The following NLGN1 variants were observed in gnomAD, a reference collection of about 807,000 sequenced individuals.
NLGN1 encodes the protein neuroligin-1.
A neutral mutation model predicts 65.5 loss-of-function variants in NLGN1; 12 were observed. The observed-to-expected ratio is 0.18, with a 90% CI of 0.12 to 0.30. The LOEUF (loss-of-function observed/expected upper bound fraction) is 0.30, where lower values mean the gene tolerates loss of function less well. NLGN1 is among the 10% of genes least tolerant of loss of function. The pLI is 1.00. For synonymous variants in NLGN1, 350 were observed against 359.5 expected (o/e 0.97, Z 0.30); for missense variants, 750 against 1,007.1 (o/e 0.74, Z 3.46).
chr3:174,292,038 G>A, the NLGN1 span, among the ~76,000 whole-genome samples: 1 of 151,244 alleles, frequency 6.6e-6, no homozygotes, highest in Non-Finnish European at 1.5e-5. Context: ...AGCAAAGAGG[G>A]ATATTGTGAT....
At position 174,169,168 on chromosome 3, in the gene NLGN1, C is replaced by T. The variant is rs963923165; in HGVS notation, c.647-106147C>T. 7.2e-5 allele frequency among the ~76,000 whole-genome samples: 11 copies of T among 151,756 alleles called. No homozygotes were observed. In the South Asian group the frequency reaches 1.0e-3, roughly 14 times the overall value. On this transcript the variant is annotated intron_variant, in intron 4 of 6. Transcript: ENST00000457714. Reference sequence around the variant, plus strand: ...CCAAGCAAGCAAGTGCTCTGAATGCCGAGAGATATTGCTGAGCATGTAGCA... The same window carrying T: ...CCAAGCAAGCAAGTGCTCTGAATGCTGAGAGATATTGCTGAGCATGTAGCA...
At chr3:173,835,839 A>T (rs529549816) in intron 4 of NLGN1, among the ~76,000 whole-genome samples, 69 of 152,312 alleles carry the variant, frequency 4.5e-4, no homozygotes, top group African/African-American at 1.6e-3. Flanking sequence ...GAACAATCAG[A>T]ATAGACATAA....
At position 174,181,976 on chromosome 3, in the gene NLGN1, C is replaced by CAAAAA. The variant is rs551914698; in HGVS notation, c.647-93318_647-93314dup. Among the ~76,000 whole-genome samples the CAAAAA allele has an allele frequency of 1.4e-3, 60 of 44,344 alleles. 2 individuals are homozygous for CAAAAA. Among genetic ancestry groups the CAAAAA allele is most frequent in the African/African-American group, 2.8e-3 (39 of 13,864 alleles). The allele number at this position is 44,344 out of a possible 152,430, so 29.1% of individuals were successfully genotyped here. A position where few individuals can be genotyped will look rare whatever the true frequency, so the allele number is the denominator to read the frequency against. ...TGGGCAACAGATTGAGACTTGGTGT[C>CAAAAA]AAAAAAAAAAAAAAAAAAAAAAAAA... On this transcript the variant is annotated intron_variant, in intron 4 of 6. Transcript: ENST00000457714.
chr3:173,520,511 G>A (rs1734574395), intron 2 of NLGN1, among the ~76,000 whole-genome samples: 2 of 152,172 alleles, frequency 1.3e-5, no homozygotes, highest in African/African-American at 4.8e-5. Flanking sequence ...TATGGAAAGG[G>A]CATTATTTCT....
chr3:173,953,113 G>T (rs1748541804), intron 4 of NLGN1, among the ~76,000 whole-genome samples: 1 of 152,062 alleles, frequency 6.6e-6, no homozygotes, highest in Non-Finnish European at 1.5e-5. Context: ...ATCTTTCCAT[G>T]ATTACTCTGC....
At chr3:173,494,148 T>TGTGTGC (rs1553866666) in intron 2 of NLGN1, among the ~76,000 whole-genome samples, 5 of 143,146 alleles carry the variant, frequency 3.5e-5, no homozygotes, top group South Asian at 2.2e-4. Flanking sequence ...TGTGTGTGTG[T>TGTGTGC]GCGCGTGCAT....
intron 2 of NLGN1, among the ~76,000 whole-genome samples, chr3:173,560,437 C>T (rs1179620293): frequency 2.0e-5 from 3 of 151,714 alleles, no homozygotes; most frequent in African/African-American, 7.3e-5. Flanking sequence ...CAGAAGAAAA[C>T]AAGGGAAGAG....
At chr3:173,948,241 T>A (rs1205156097) in intron 4 of NLGN1, among the ~76,000 whole-genome samples, 2 of 152,206 alleles carry the variant, frequency 1.3e-5, no homozygotes, top group African/African-American at 4.8e-5. Flanking sequence ...ATGAGATTAT[T>A]TACCTCAGAG....
chr3:174,292,803 A>G, the NLGN1 span, among the ~76,000 whole-genome samples: 6 of 151,424 alleles, frequency 4.0e-5, no homozygotes, highest in Non-Finnish European at 7.4e-5. Flanking sequence ...ATGAGTTATC[A>G]TGTGTCTCCT....
chr3:173,756,931 G>C (rs1777225052), intron 3 of NLGN1, among the ~76,000 whole-genome samples: 1 of 151,820 alleles, frequency 6.6e-6, no homozygotes, highest in African/African-American at 2.4e-5. Context: ...AAAAATCAAA[G>C]AGTCTATAAT....
chr3:173,402,934 A>G (rs1012313380), intron 1 of NLGN1, among the ~76,000 whole-genome samples: 18 of 152,134 alleles, frequency 1.2e-4, no homozygotes, highest in Non-Finnish European at 2.2e-4. Flanking sequence ...GCTTCACACA[A>G]AAAATCAGAG....
chr3:173,535,840 C>T (rs1370278479), intron 2 of NLGN1, among the ~76,000 whole-genome samples: 1 of 152,086 alleles, frequency 6.6e-6, no homozygotes, highest in African/African-American at 2.4e-5. Context: ...CGAAATAAGG[C>T]ACATGATTTA....
At chr3:173,583,483 A>C (rs568456620) in intron 2 of NLGN1, among the ~76,000 whole-genome samples, 1 of 152,352 alleles carries the variant, frequency 6.6e-6, no homozygotes, top group South Asian at 2.1e-4. Flanking sequence ...TTGACTCCTT[A>C]ACACCTTGTA....
At chr3:173,950,527 A>G (rs1747989381) in intron 4 of NLGN1, among the ~76,000 whole-genome samples, 1 of 152,162 alleles carries the variant, frequency 6.6e-6, no homozygotes, top group South Asian at 2.1e-4. Context: ...AAAAGGTCCT[A>G]AACAACTGGG....
chr3:173,827,629 A>ATGTGTGTGTG (rs59670610), intron 4 of NLGN1, among the ~76,000 whole-genome samples: 4,093 of 146,914 alleles, frequency 0.028, 65 homozygotes, highest in Middle Eastern at 0.046. Context: ...TATTTATGAT[A>ATGTGTGTGTG]TGTGTGTGTG....
At chr3:174,208,653 G>A (rs1735864748) in intron 4 of NLGN1, among the ~76,000 whole-genome samples, 2 of 117,136 alleles carry the variant, frequency 1.7e-5, no homozygotes, top group Admixed American at 9.3e-5. Context: ...GCAAGATAGC[G>A]CCATTATAGG....
chr3:174,141,561 T>C (rs1722280009), intron 4 of NLGN1, among the ~76,000 whole-genome samples: 1 of 152,218 alleles, frequency 6.6e-6, no homozygotes, highest in African/African-American at 2.4e-5. Context: ...GATCCATATG[T>C]ACCTGAAAAT....
intron 3 of NLGN1, among the ~76,000 whole-genome samples, chr3:173,661,897 G>T (rs761213245): frequency 1.3e-5 from 2 of 152,012 alleles, no homozygotes; most frequent in Non-Finnish European, 2.9e-5. Context: ...AGGAAGCAGG[G>T]TGCATGCAAT....
intron 3 of NLGN1, among the ~76,000 whole-genome samples, chr3:173,738,106 T>A (rs1774068116): frequency 6.6e-6 from 1 of 152,064 alleles, no homozygotes; most frequent in Non-Finnish European, 1.5e-5. Flanking sequence ...TTTTAAATTT[T>A]TATTATTGAA....
Sources: gnomAD v4.1 joint callset for allele counts (sites outside exome capture counted in the v4.1 genomes callset) on GRCh38, gnomAD v4.1.1 for gene constraint, MANE v1.5 for transcripts, NCBI Gene and HGNC (gene_info 2026-07-23, HGNC 2026-07-21) for gene names.